The following NOL10 variants were observed in gnomAD, a reference collection of about 807,000 sequenced individuals.
NOL10 encodes the protein H_NH0074G24.1.
NOL10 carries 58 observed loss-of-function variants against 103.5 expected under a neutral mutation model. That is an observed-to-expected ratio of 0.56 (90% confidence interval 0.45 to 0.70). NOL10 has a LOEUF of 0.70. NOL10 is among the 30% of genes least tolerant of loss of function. The pLI is 0.00. For missense variants in NOL10, 763 were observed against 807.3 expected (o/e 0.95, Z 0.67); for synonymous variants, 287 against 282.5 (o/e 1.02, Z -0.16).
chr2:10,684,637 T>C (rs763155721), intron 1 of NOL10, 25 bp from the exon 2 acceptor site: 1 of 1,538,086 alleles, frequency 6.5e-7, no homozygotes, highest in Non-Finnish European at 8.8e-7. Context: ...AGAGAGTTTA[T>C]TTTAAAACAA....
intron 13 of NOL10, among the ~76,000 whole-genome samples, chr2:10,634,767 A>G (rs1375184112): frequency 6.6e-6 from 1 of 152,216 alleles, no homozygotes; most frequent in Non-Finnish European, 1.5e-5. Context: ...GGAGCCAGTG[A>G]AGACTGAAAA....
At chr2:10,654,603 A>G in intron 11 of NOL10, 56 bp from the exon 12 acceptor site, 1 of 1,086,700 alleles carries the variant, frequency 9.2e-7, no homozygotes, top group Non-Finnish European at 1.4e-6. Context: ...CAACTTTGGC[A>G]ATGTCAAACT....
intron 10 of NOL10, among the ~76,000 whole-genome samples, chr2:10,658,906 C>G (rs1232561486): frequency 6.6e-6 from 1 of 152,186 alleles, no homozygotes. Context: ...CAGTGAGACC[C>G]TGTCTCTACA....
At chr2:10,677,815 C>T (rs532877552) in intron 3 of NOL10, among the ~76,000 whole-genome samples, 42 of 150,214 alleles carry the variant, frequency 2.8e-4, no homozygotes, top group African/African-American at 9.1e-4. Flanking sequence ...AGCCCACTGT[C>T]GTATGGCAAT....
At chr2:10,648,753 T>C (rs976079913) in intron 12 of NOL10, among the ~76,000 whole-genome samples, 3 of 151,902 alleles carry the variant, frequency 2.0e-5, no homozygotes, top group Non-Finnish European at 4.4e-5. Context: ...AGGATCAAGT[T>C]AAACAACATC....
intron 19 of NOL10, among the ~76,000 whole-genome samples, chr2:10,581,716 G>A (rs1674764521): frequency 6.6e-6 from 1 of 152,154 alleles, no homozygotes; most frequent in Admixed American, 6.5e-5. Context: ...AGCTACTCAG[G>A]AGGGTGAGGT....
At chr2:10,619,508 A>G (rs1677011292) in intron 13 of NOL10, among the ~76,000 whole-genome samples, 1 of 152,226 alleles carries the variant, frequency 6.6e-6, no homozygotes, top group Non-Finnish European at 1.5e-5. Context: ...AAACTCACTC[A>G]TAAAACATAT....
At chr2:10,601,146 C>G (rs941654178) in intron 16 of NOL10, among the ~76,000 whole-genome samples, 1 of 151,972 alleles carries the variant, frequency 6.6e-6, no homozygotes, top group Non-Finnish European at 1.5e-5. Flanking sequence ...TCACTGCAAC[C>G]TCCGCCTCCC....
chr2:10,687,238 C>T (rs1682278463), intron 1 of NOL10, among the ~76,000 whole-genome samples: 1 of 152,278 alleles, frequency 6.6e-6, no homozygotes, highest in African/African-American at 2.4e-5. Flanking sequence ...CTACCCTCCC[C>T]ACCACTCCAC....
At chr2:10,673,877 C>T (rs777778935) in intron 4 of NOL10, among the ~76,000 whole-genome samples, 55 of 152,058 alleles carry the variant, frequency 3.6e-4, no homozygotes, top group Middle Eastern at 6.8e-3. Flanking sequence ...TTCAAATATA[C>T]ATTAAAGAAC....
In NOL10 at chr2:10,572,028, G is replaced by A; in HGVS notation, c.*43C>T. On this transcript the variant is annotated 3_prime_UTR_variant, in exon 21 of 21. Coordinates refer to ENST00000381685, the MANE Select transcript of NOL10 (RefSeq NM_024894.4). ...CACCCTAACGATGATCAGTTTGGGG[G>A]AGACGTACCCCTCCCTAATCACAGG... 6.2e-7 allele frequency: 1 copy of A among 1,609,452 alleles called. No homozygotes were observed.
chr2:10,654,761 GAGA>G (rs1357338291), intron 11 of NOL10, among the ~76,000 whole-genome samples: 8 of 151,932 alleles, frequency 5.3e-5, no homozygotes, highest in African/African-American at 1.2e-4. Context: ...CAGGCCTAAG[GAGA>G]AGAAGTGACC....
At chr2:10,615,174 A>C (rs1006984731) in intron 13 of NOL10, among the ~76,000 whole-genome samples, 19 of 152,322 alleles carry the variant, frequency 1.2e-4, no homozygotes, top group African/African-American at 3.4e-4. Context: ...ATTTAAATGT[A>C]CTCTACTTGT....
intron 13 of NOL10, among the ~76,000 whole-genome samples, chr2:10,620,448 C>T (rs7572631): frequency 0.79 from 119,436 of 152,126 alleles, 47,093 homozygotes; most frequent in African/African-American, 0.81. Context: ...TAGCAGTTAC[C>T]GATTATCTTG....
In NOL10 at chr2:10,677,839, TTGTGTGTGTGTGTG is replaced by T. The variant is rs58970211; in HGVS notation, c.212-1982_212-1969del. 2.0e-5 allele frequency among the ~76,000 whole-genome samples: 3 copies of T among 146,740 alleles called. No homozygotes were observed. The South Asian group carries it at 6.6e-4, about 32-fold the overall frequency. The stretch of plus-strand genomic sequence containing the variant: ...TCGTATGGCAATAATTTTAATACAT[TTGTGTGTGTGTGTG>T]TGTGTGTGTGTGTGTGTGTATACAC... On this transcript the variant is annotated intron_variant, in intron 3 of 20. Coordinates refer to ENST00000381685, the MANE Select transcript of NOL10 (RefSeq NM_024894.4).
intron 19 of NOL10, among the ~76,000 whole-genome samples, chr2:10,578,818 CCT>C (rs1265510101): frequency 2.0e-5 from 3 of 152,148 alleles, no homozygotes; most frequent in Non-Finnish European, 4.4e-5. Context: ...TTCCTATCCC[CCT>C]GATAAGATTG....
At chr2:10,623,803 T>C (rs1283064455) in intron 13 of NOL10, among the ~76,000 whole-genome samples, 1 of 152,196 alleles carries the variant, frequency 6.6e-6, no homozygotes, top group Non-Finnish European at 1.5e-5. Flanking sequence ...CTGACCAACA[T>C]AAATAAATGA....
chr2:10,618,245 T>TA lies in NOL10; in HGVS notation c.1027-10935dup, dbSNP rs34176271. ...TTATGTCTTTAAAAAGCTGTTTTTT[T>TA]AAAAAAAAATGAATTAAGGAGGTTA... On this transcript the variant is annotated intron_variant, in intron 13 of 20. Coordinates refer to ENST00000381685, the MANE Select transcript of NOL10 (RefSeq NM_024894.4). Among the ~76,000 whole-genome samples, 92 of 150,884 alleles carry TA rather than the reference T, an allele frequency of 6.1e-4. No homozygotes were observed. The East Asian group carries it at 7.4e-3, about 12-fold the overall frequency.
intron 20 of NOL10, among the ~76,000 whole-genome samples, chr2:10,576,658 C>G (rs1442911555): frequency 6.6e-6 from 1 of 152,190 alleles, no homozygotes; most frequent in Non-Finnish European, 1.5e-5. Flanking sequence ...ATGCCCGGAA[C>G]AGGCAAAGCT....
Sources: allele counts gnomAD v4.1 joint callset (sites outside exome capture counted in the v4.1 genomes callset), GRCh38; gene constraint gnomAD v4.1.1; transcripts MANE v1.5; gene names NCBI Gene and HGNC (gene_info 2026-07-23, HGNC 2026-07-21).